GADL1: variants seen among roughly 807,000 people sequenced by gnomAD.
The protein encoded by GADL1 is acidic amino acid decarboxylase GADL1.
Under a neutral mutation model 69.5 loss-of-function variants are expected in GADL1, and 71 were observed. That is an observed-to-expected ratio of 1.02 (90% CI 0.84 to 1.25). GADL1 has a LOEUF of 1.25. Among genes scored for constraint, GADL1 ranks in the 50% most tolerant of loss-of-function variants. The probability of loss-of-function intolerance (pLI) is 0.00; values close to 1 mark genes in which losing one functional copy is unlikely to be tolerated. For synonymous variants in GADL1, 254 were observed against 214.4 expected, an observed-to-expected ratio of 1.18 and a Z score of -1.62; for missense variants, 737 against 631.8, an observed-to-expected ratio of 1.17 and a Z score of -1.79.
chr3:30,894,655 G>T lies in GADL1; in HGVS notation c.-41C>A, dbSNP rs376318174. ...CCAGGCTGCCCCGGGCGCGGCTCCCGCAGTCTGGGCGGCGACGGTGGTTGC... is the reference window on the plus strand; with the variant it reads ...CCAGGCTGCCCCGGGCGCGGCTCCCTCAGTCTGGGCGGCGACGGTGGTTGC... On this transcript the variant is annotated 5_prime_UTR_variant, in exon 1 of 15. Transcript: ENST00000282538. The T allele has an allele frequency of 3.2e-6, 5 of 1,541,012 alleles. No homozygotes were observed. In the Middle Eastern group the frequency reaches 5.1e-4, roughly 156 times the overall value.
At chr3:30,805,315 T>C (rs995099367) in intron 11 of GADL1, among the ~76,000 whole-genome samples, 7 of 152,208 alleles carry the variant, frequency 4.6e-5, no homozygotes, top group Non-Finnish European at 8.8e-5. Flanking sequence ...TAACCTATTA[T>C]ACTTTATTGC....
At chr3:30,760,011 A>G (rs1559490696) in intron 14 of GADL1, among the ~76,000 whole-genome samples, 3 of 152,340 alleles carry the variant, frequency 2.0e-5, no homozygotes, top group East Asian at 1.9e-4. Flanking sequence ...GCTACCTAAT[A>G]TCTCCTTTTT....
chr3:30,742,374 T>A (rs1028592590), intron 14 of GADL1, among the ~76,000 whole-genome samples: 13 of 152,110 alleles, frequency 8.5e-5, no homozygotes, highest in African/African-American at 3.1e-4. Context: ...ATATTTTTTT[T>A]ATTATGGTGA....
At chr3:30,778,414 T>C in intron 13 of GADL1, 146 bp from the exon 14 acceptor site, 1 of 599,380 alleles carries the variant, frequency 1.7e-6, no homozygotes, top group Non-Finnish European at 3.0e-6. Context: ...TAACAATCCC[T>C]TCTGCCTTCT....
chr3:30,891,591 G>A (rs185483209), intron 1 of GADL1, among the ~76,000 whole-genome samples: 3 of 151,904 alleles, frequency 2.0e-5, no homozygotes, highest in Admixed American at 6.6e-5. Context: ...TGGAGTGAGA[G>A]CCCTGGGTTT....
At chr3:30,735,439 A>G (rs147422286) in intron 14 of GADL1, among the ~76,000 whole-genome samples, 13 of 152,340 alleles carry the variant, frequency 8.5e-5, no homozygotes, top group African/African-American at 2.6e-4. Flanking sequence ...GTATACCTAT[A>G]CAATGGAATA....
At position 30,861,761 on chromosome 3, in the gene GADL1, A is replaced by T; in HGVS notation, c.42T>A (p.Asp14Glu). The change falls in exon 2 of 15, where the codon GAT (aspartate) becomes GAA (glutamate). Residue 14 changes from aspartate (D) to glutamate (E), a missense_variant. By Grantham distance (45) the Asp-to-Glu change is conservative (BLOSUM62 2). Coordinates refer to ENST00000282538, the MANE Select transcript of GADL1 (RefSeq NM_207359.3). ...DSDRQCPVDG[D>E]IDQQEMIPSK... ...TTGGAATCATCTCTTGTTGATCAATATCTCCTGGAAGCAAGCAAACAAATT... is the reference window on the plus strand; with the variant it reads ...TTGGAATCATCTCTTGTTGATCAATTTCTCCTGGAAGCAAGCAAACAAATT... 1 of 1,542,424 alleles carries T rather than the reference A, an allele frequency of 6.5e-7. No individual in the cohort carries two copies. Among genetic ancestry groups the T allele is most frequent in the South Asian group, 1.2e-5 (1 of 82,224 alleles).
At chr3:30,828,248 T>A (rs567266946) in intron 11 of GADL1, among the ~76,000 whole-genome samples, 1 of 152,026 alleles carries the variant, frequency 6.6e-6, no homozygotes, top group East Asian at 1.9e-4. Context: ...AATTGTCATT[T>A]GTAATATCAA....
intron 1 of GADL1, among the ~76,000 whole-genome samples, chr3:30,862,545 G>T (rs4955345): frequency 3.3e-5 from 5 of 151,894 alleles, no homozygotes; most frequent in Middle Eastern, 3.4e-3. Flanking sequence ...TGAAGCTTTG[G>T]GCAGAGATAA....
intron 1 of GADL1, among the ~76,000 whole-genome samples, chr3:30,883,247 C>T (rs754199469): frequency 1.1e-4 from 17 of 151,930 alleles, no homozygotes; most frequent in Non-Finnish European, 2.4e-4. Context: ...AAGGCTTTCT[C>T]TTTTTGTTTC....
At chr3:30,813,046 T>C (rs975588241) in intron 11 of GADL1, among the ~76,000 whole-genome samples, 1 of 152,018 alleles carries the variant, frequency 6.6e-6, no homozygotes, top group African/African-American at 2.4e-5. Context: ...AGAAGGCACA[T>C]GAGAAGGGAA....
chr3:30,840,351 G>A (rs896628735), intron 8 of GADL1, among the ~76,000 whole-genome samples: 1 of 152,092 alleles, frequency 6.6e-6, no homozygotes, highest in African/African-American at 2.4e-5. Flanking sequence ...CAAAGTGGTG[G>A]TATATAACAA....
chr3:30,795,409 C>G (rs1375461999), intron 12 of GADL1, among the ~76,000 whole-genome samples: 1 of 152,158 alleles, frequency 6.6e-6, no homozygotes, highest in Non-Finnish European at 1.5e-5. Context: ...TGAGAGTCCA[C>G]TGTTAAATAT....
intron 11 of GADL1, among the ~76,000 whole-genome samples, chr3:30,823,525 G>T (rs1386629220): frequency 6.6e-6 from 1 of 151,886 alleles, no homozygotes; most frequent in Non-Finnish European, 1.5e-5. Context: ...ACATAAAAAT[G>T]AAAATAGAGA....
intron 14 of GADL1, among the ~76,000 whole-genome samples, chr3:30,760,073 TTG>T (rs1696091904): frequency 6.6e-6 from 1 of 152,354 alleles, no homozygotes; most frequent in East Asian, 1.9e-4. Flanking sequence ...CACTAAAGTT[TTG>T]TGATTGTTTC....
At chr3:30,826,275 A>G (rs940174690) in intron 11 of GADL1, among the ~76,000 whole-genome samples, 3 of 151,922 alleles carry the variant, frequency 2.0e-5, no homozygotes, top group African/African-American at 7.2e-5. Flanking sequence ...AAAGATGACA[A>G]AAGGACACAA....
intron 11 of GADL1, among the ~76,000 whole-genome samples, chr3:30,802,050 A>G (rs539524813): frequency 6.6e-6 from 1 of 152,334 alleles, no homozygotes; most frequent in South Asian, 2.1e-4. Context: ...TAAGCTGCGA[A>G]GTTTACTGAC....
intron 2 of GADL1, among the ~76,000 whole-genome samples, chr3:30,858,722 T>G (rs1391892346): frequency 6.6e-6 from 1 of 151,966 alleles, no homozygotes; most frequent in Non-Finnish European, 1.5e-5. Flanking sequence ...GCAGTTGATC[T>G]GAGGCTCTTG....
chr3:30,745,623 A>G (rs552551677), intron 14 of GADL1, among the ~76,000 whole-genome samples: 1 of 152,294 alleles, frequency 6.6e-6, no homozygotes, highest in South Asian at 2.1e-4. Context: ...GTGGATCTCA[A>G]TATGTTGCTC....
Sources: allele counts gnomAD v4.1 joint callset (sites outside exome capture counted in the v4.1 genomes callset), GRCh38; gene constraint gnomAD v4.1.1; transcripts MANE v1.5; gene names NCBI Gene and HGNC (gene_info 2026-07-23, HGNC 2026-07-21).